PDZD9: variants seen among roughly 807,000 people sequenced by gnomAD.
The protein encoded by PDZD9 is PDZ domain containing 9, also known as PDZ domain-containing protein 9.
A neutral mutation model predicts 16.3 loss-of-function variants in PDZD9; 13 were observed. The ratio of observed to expected loss-of-function variants is 0.80; its 90% CI spans 0.52 to 1.27. The LOEUF is 1.27. Ranked by LOEUF, PDZD9 falls within the 50% of genes most tolerant of loss-of-function variation. The probability of loss-of-function intolerance (pLI) is 0.00; values close to 1 mark genes in which losing one functional copy is unlikely to be tolerated. For synonymous variants in PDZD9, 120 were observed against 111.0 expected (o/e 1.08, Z -0.51); for missense variants, 288 against 310.9 (o/e 0.93, Z 0.55).
the PDZD9 span, among the ~76,000 whole-genome samples, chr16:21,972,402 T>A: frequency 6.6e-6 from 1 of 152,202 alleles, no homozygotes; most frequent in African/African-American, 2.4e-5. Context: ...AATAAAGTTG[T>A]AGATATTAAA....
chr16:21,996,934 C>T (rs1899166486), intron 1 of PDZD9, among the ~76,000 whole-genome samples: 1 of 152,150 alleles, frequency 6.6e-6, no homozygotes, highest in African/African-American at 2.4e-5. Flanking sequence ...GGGCTCCTCC[C>T]ACCTCAGCCT....
the PDZD9 span, chr16:21,976,373 T>C: frequency 5.3e-6 from 4 of 754,992 alleles, no homozygotes; most frequent in African/African-American, 5.4e-5. Flanking sequence ...AAGGGAAACA[T>C]ACCCATATCC....
At position 21,996,507 on chromosome 16, in the gene PDZD9, CAA is replaced by C. The variant is rs960694090; in HGVS notation, c.32-8_32-7del. 2.7e-5 allele frequency: 42 copies of C among 1,530,904 alleles called. No individual in the cohort carries two copies. The African/African-American group carries it at 5.6e-4, about 20-fold the overall frequency. 94.8% of individuals were successfully genotyped at this position (1,530,904 alleles called of 1,614,324 possible). A position where few individuals can be genotyped will look rare whatever the true frequency, so the allele number is the denominator to read the frequency against. Reference sequence around the variant, plus strand: ...CTTGTTGCTGACTCCTCTTTCTAACCAAAAGAGGGGAACTTATTTCAGTCCTT... The same window carrying C: ...CTTGTTGCTGACTCCTCTTTCTAACCAAGAGGGGAACTTATTTCAGTCCTT... On this transcript the variant is annotated splice_region_variant and splice_polypyrimidine_tract_variant and intron_variant, in intron 1 of 3. Transcript: ENST00000424898.
chr16:21,973,581 A>G, the PDZD9 span, among the ~76,000 whole-genome samples: 4 of 152,206 alleles, frequency 2.6e-5, no homozygotes, highest in Non-Finnish European at 2.9e-5. Flanking sequence ...GCCTATCTAT[A>G]TTATAATAAT....
chr16:21,958,689 A>T, the PDZD9 span: 2 of 1,124,694 alleles, frequency 1.8e-6, no homozygotes, highest in African/African-American at 1.6e-5. Context: ...GAGGTTGAGG[A>T]TTTCTTAAGC....
At chr16:21,964,016 C>T in the PDZD9 span, among the ~76,000 whole-genome samples, 7 of 152,006 alleles carry the variant, frequency 4.6e-5, no homozygotes, top group Non-Finnish European at 8.8e-5. Flanking sequence ...AAGCAAGCGC[C>T]GCTGACTCTT....
At chr16:21,974,030 G>T in the PDZD9 span, 1 of 1,460,282 alleles carries the variant, frequency 6.8e-7, no homozygotes, top group Non-Finnish European at 9.4e-7. Context: ...TCTCCCCCCC[G>T]CCATAAACAT....
At position 21,984,429 on chromosome 16, in the gene PDZD9, G is replaced by A. The variant is rs146108684; in HGVS notation, c.633C>T (p.Asp211=). Residue 211 remains aspartate, a synonymous_variant, in exon 4 of 4, where the codon GAC becomes GAT. Transcript: ENST00000424898. ...DINCDVMIHR[D]DKKEVRAPSP... The stretch of plus-strand genomic sequence containing the variant: ...AAGGGGCCCTCACTTCTTTCTTGTC[G>A]TCTCTGTGAATCATCACGTCACAAT... 52 of 1,613,922 alleles carry A rather than the reference G, an allele frequency of 3.2e-5. No individual in the cohort carries two copies. The highest frequency in any genetic ancestry group is 6.7e-5 in the African/African-American group (5 of 74,878).
At chr16:21,962,830 C>T in the PDZD9 span, 1 of 1,614,082 alleles carries the variant, frequency 6.2e-7, no homozygotes, top group Admixed American at 1.7e-5. Flanking sequence ...AAGTAGCTGA[C>T]CTTCAGCCTC....
At chr16:21,980,361 A>G, downstream of PDZD9, 2 of 651,354 alleles carry the variant, frequency 3.1e-6, no homozygotes, top group South Asian at 2.2e-5. Context: ...TTCCCTTCAG[A>G]CTTACTGTTT....
At chr16:21,973,972 G>A in the PDZD9 span, 7 of 1,606,982 alleles carry the variant, frequency 4.4e-6, no homozygotes, top group Non-Finnish European at 5.9e-6. Flanking sequence ...ACAGCTGCTG[G>A]AGATGTAAGT....
intron 1 of PDZD9, among the ~76,000 whole-genome samples, chr16:21,997,930 C>T (rs1322462111): frequency 1.3e-5 from 2 of 152,130 alleles, no homozygotes; most frequent in Non-Finnish European, 1.5e-5. Context: ...GAGGCTCCCC[C>T]AGCTCCCTAC....
At chr16:21,998,040 T>C (rs1440930286) in intron 1 of PDZD9, among the ~76,000 whole-genome samples, 3 of 152,152 alleles carry the variant, frequency 2.0e-5, no homozygotes, top group African/African-American at 7.2e-5. Context: ...ACAGATGCTC[T>C]CTGTTTGGGA....
At chr16:21,993,593 T>A (rs1899075394) in intron 2 of PDZD9, among the ~76,000 whole-genome samples, 1 of 152,200 alleles carries the variant, frequency 6.6e-6, no homozygotes, top group African/African-American at 2.4e-5. Flanking sequence ...GAGGAGCTTT[T>A]AAAACATAAA....
rs966313547 is a variant in PDZD9 at position 22,001,067 on chromosome 16, GC to G, written c.-21del. 6.6e-7 allele frequency: 1 copy of G among 1,515,532 alleles called. No homozygotes were observed. Among genetic ancestry groups the G allele is most frequent in the African/African-American group, 1.4e-5 (1 of 71,892 alleles). 93.9% of individuals were successfully genotyped at this position (1,515,532 alleles called of 1,614,324 possible). A position where few individuals can be genotyped will look rare whatever the true frequency, so the allele number is the denominator to read the frequency against. ...CTGCATGGTCCCGGGAGGTCAGGCA[GC>G]CCGGGAGGGCCTCCCGGAGCAGAGG... On this transcript the variant is annotated 5_prime_UTR_variant, in exon 1 of 4. Transcript: ENST00000424898.
intron 2 of PDZD9, among the ~76,000 whole-genome samples, chr16:21,989,784 C>T (rs1413583467): frequency 1.3e-5 from 2 of 152,176 alleles, no homozygotes; most frequent in Admixed American, 6.5e-5. Flanking sequence ...GCTTCCGAGT[C>T]CCTGGCAGGT....
At chr16:21,980,543 A>C, downstream of PDZD9, 1 of 1,612,280 alleles carries the variant, frequency 6.2e-7, no homozygotes, top group Non-Finnish European at 8.5e-7. Context: ...CTTTTATTGG[A>C]CAGGAACAAG....
the PDZD9 span, chr16:21,957,653 A>G: frequency 6.7e-7 from 1 of 1,495,526 alleles, no homozygotes; most frequent in Non-Finnish European, 8.9e-7. Context: ...ATGTCTTTAT[A>G]TTTTGATTCC....
intron 2 of PDZD9, among the ~76,000 whole-genome samples, chr16:21,994,419 C>T (rs2141961079): frequency 6.6e-6 from 1 of 152,334 alleles, no homozygotes; most frequent in South Asian, 2.1e-4. Flanking sequence ...AACTCCTGGG[C>T]ACAGTACTAG....
Sources: gnomAD v4.1 joint callset for allele counts (sites outside exome capture counted in the v4.1 genomes callset) on GRCh38, gnomAD v4.1.1 for gene constraint, MANE v1.5 for transcripts, NCBI Gene and HGNC (gene_info 2026-07-23, HGNC 2026-07-21) for gene names.